The following GMDS variants were observed in gnomAD, a reference collection of about 807,000 sequenced individuals.
The protein encoded by GMDS is GDP-mannose 4,6-dehydratase, also known as GDP-mannose 4,6 dehydratase.
Under a neutral mutation model 49.9 loss-of-function variants are expected in GMDS, and 20 were observed. The observed-to-expected ratio is 0.40, with a 90% CI of 0.28 to 0.58. The LOEUF (loss-of-function observed/expected upper bound fraction) is 0.58. GMDS is among the 20% of genes least tolerant of loss of function. The pLI is 0.42. For synonymous variants in GMDS, 177 were observed against 178.6 expected (o/e 0.99, Z 0.07); for missense variants, 362 against 481.4 (o/e 0.75, Z 2.32).
rs1771234526 is a variant in GMDS, at chr6:1,828,780, C to T, written c.772-86194G>A. 3.3e-5 allele frequency among the ~76,000 whole-genome samples: 5 copies of T among 152,284 alleles called. No homozygotes were observed. The South Asian group carries it at 6.2e-4, about 19-fold the overall frequency. On this transcript the variant is annotated intron_variant, in intron 7 of 10. Transcript: ENST00000380815. ...CACTATACCTCTCCTACAAGAAACACCAAAGTGAGTCTTTCAGCTTGAAAT... is the reference window on the plus strand; with the variant it reads ...CACTATACCTCTCCTACAAGAAACATCAAAGTGAGTCTTTCAGCTTGAAAT...
chr6:1,706,910 G>T (rs114180366), intron 9 of GMDS, among the ~76,000 whole-genome samples: 1,749 of 152,314 alleles, frequency 0.011, 32 homozygotes, highest in African/African-American at 0.04. Flanking sequence ...CTGTCGAACA[G>T]ATCTCTAAAC....
intron 9 of GMDS, among the ~76,000 whole-genome samples, chr6:1,626,480 G>A (rs568672273): frequency 2.6e-5 from 4 of 152,250 alleles, no homozygotes; most frequent in African/African-American, 9.6e-5. Flanking sequence ...AAATAAACTT[G>A]TATATATTTC....
At chr6:1,744,034 G>C (rs555149434) in intron 7 of GMDS, among the ~76,000 whole-genome samples, 1 of 152,272 alleles carries the variant, frequency 6.6e-6, no homozygotes, top group Non-Finnish European at 1.5e-5. Flanking sequence ...AAAACAAGAA[G>C]TTGCTAAAAT....
chr6:1,704,588 A>C (rs1237550552), intron 9 of GMDS, among the ~76,000 whole-genome samples: 1 of 152,258 alleles, frequency 6.6e-6, no homozygotes. Flanking sequence ...GCGGAGCGTG[A>C]AAATATCTGT....
Position 2,068,683 on chromosome 6 carries a change from A to G in GMDS, c.345+47088T>C, listed in dbSNP as rs1771778848. ...CATTCACAATTGCTTCAAAGAGAATAAAATACCTAGGAATCCAACTTACAA... is the reference window on the plus strand; with the variant it reads ...CATTCACAATTGCTTCAAAGAGAATGAAATACCTAGGAATCCAACTTACAA... On this transcript the variant is annotated intron_variant, in intron 4 of 10. Coordinates refer to ENST00000380815, the MANE Select transcript of GMDS (RefSeq NM_001500.4). Among the ~76,000 whole-genome samples the G allele has an allele frequency of 4.6e-5, 7 of 152,188 alleles. No homozygotes were observed. The South Asian group carries it at 1.5e-3, about 32-fold the overall frequency.
intron 1 of GMDS, among the ~76,000 whole-genome samples, chr6:2,229,257 G>C (rs932323996): frequency 9.2e-5 from 14 of 152,044 alleles, no homozygotes; most frequent in Non-Finnish European, 1.5e-4. Context: ...TACAGATAAG[G>C]GTGGTTCAAA....
chr6:1,967,141 C>T (rs1203309179), intron 4 of GMDS, among the ~76,000 whole-genome samples: 2 of 152,168 alleles, frequency 1.3e-5, no homozygotes, highest in African/African-American at 4.8e-5. Context: ...GCCTCCCTCG[C>T]TAAAAACATC....
chr6:2,205,516 T>C (rs1329787979), intron 1 of GMDS, among the ~76,000 whole-genome samples: 2 of 152,208 alleles, frequency 1.3e-5, no homozygotes, highest in Non-Finnish European at 2.9e-5. Flanking sequence ...AGAATGAGGA[T>C]TACATCACAA....
At chr6:1,923,431 C>T (rs1018665032) in intron 7 of GMDS, among the ~76,000 whole-genome samples, 1 of 152,176 alleles carries the variant, frequency 6.6e-6, no homozygotes, top group African/African-American at 2.4e-5. Flanking sequence ...TGTAACACAC[C>T]CTCTGGGGCT....
intron 4 of GMDS, among the ~76,000 whole-genome samples, chr6:2,103,361 G>A (rs976876808): frequency 2.6e-4 from 40 of 152,230 alleles, no homozygotes; most frequent in African/African-American, 8.2e-4. Context: ...CAGAAATAAC[G>A]TTGCTGTCAC....
At chr6:1,821,778 C>T (rs1488320329) in intron 7 of GMDS, among the ~76,000 whole-genome samples, 4 of 151,992 alleles carry the variant, frequency 2.6e-5, no homozygotes, top group Admixed American at 2.0e-4. Flanking sequence ...TGAAAGAAGA[C>T]CTAGTTTTTT....
chr6:1,812,021 T>C (rs930129975), intron 7 of GMDS, among the ~76,000 whole-genome samples: 1 of 152,210 alleles, frequency 6.6e-6, no homozygotes, highest in Non-Finnish European at 1.5e-5. Context: ...CGAGGAATCA[T>C]AGTCAAGTAG....
At chr6:2,053,521 T>C (rs962429946) in intron 4 of GMDS, among the ~76,000 whole-genome samples, 4 of 152,020 alleles carry the variant, frequency 2.6e-5, no homozygotes, top group African/African-American at 9.7e-5. Context: ...TAAAAAGAAA[T>C]TAAATTTTTA....
chr6:2,047,661 G>A (rs953240855), intron 4 of GMDS, among the ~76,000 whole-genome samples: 13 of 151,710 alleles, frequency 8.6e-5, no homozygotes, highest in African/African-American at 2.2e-4. Flanking sequence ...TCTAATTTTC[G>A]TCATTTTAGT....
intron 7 of GMDS, among the ~76,000 whole-genome samples, chr6:1,871,309 C>T (rs996136870): frequency 2.0e-5 from 3 of 151,968 alleles, no homozygotes; most frequent in Non-Finnish European, 4.4e-5. Context: ...TAAAAACCTA[C>T]GTAAATACGT....
chr6:2,154,183 C>T (rs569192246), intron 1 of GMDS, among the ~76,000 whole-genome samples: 1 of 152,138 alleles, frequency 6.6e-6, no homozygotes, highest in Admixed American at 6.5e-5. Flanking sequence ...TTTTATATTT[C>T]AGGGTAGATT....
In GMDS at chr6:1,670,208, C is replaced by T. The variant is rs897032729; in HGVS notation, c.988-45668G>A. Among the ~76,000 whole-genome samples, 6 of 152,092 alleles carry T rather than the reference C, an allele frequency of 3.9e-5. No individual in the cohort carries two copies. In the East Asian group the frequency reaches 5.8e-4, roughly 15 times the overall value. ...CGGGGACTTCTGCCCAGCAGCCTTC[C>T]GGGACAAGGGGGTGAGAGGGTGTGA... On this transcript the variant is annotated intron_variant, in intron 9 of 10. Transcript: ENST00000380815.
chr6:1,703,866 T>C (rs2113372290), intron 9 of GMDS, among the ~76,000 whole-genome samples: 1 of 152,412 alleles, frequency 6.6e-6, no homozygotes, highest in South Asian at 2.1e-4. Context: ...TTCAGATCTA[T>C]GTTTAAGACT....
chr6:2,172,508 T>C (rs1205786016), intron 1 of GMDS, among the ~76,000 whole-genome samples: 1 of 152,060 alleles, frequency 6.6e-6, no homozygotes. Flanking sequence ...CTTGCCAAGA[T>C]AGTGAAACCC....
Sources: allele counts gnomAD v4.1 joint callset (sites outside exome capture counted in the v4.1 genomes callset), GRCh38; gene constraint gnomAD v4.1.1; transcripts MANE v1.5; gene names NCBI Gene and HGNC (gene_info 2026-07-23, HGNC 2026-07-21).